Variants in ZPBP observed in about 807,000 individuals in gnomAD.
ZPBP encodes the protein zona pellucida-binding protein 1.
A neutral mutation model predicts 44.8 loss-of-function variants in ZPBP; 26 were observed. The observed-to-expected ratio is 0.58, with a 90% CI of 0.43 to 0.81. ZPBP has a LOEUF of 0.81. ZPBP is among the 30% of genes least tolerant of loss of function. The pLI is 0.00. For synonymous variants in ZPBP, 174 were observed against 153.2 expected, an observed-to-expected ratio of 1.14 and a Z score of -1.00; for missense variants, 409 against 434.0, an observed-to-expected ratio of 0.94 and a Z score of 0.51.
intron 3 of ZPBP, among the ~76,000 whole-genome samples, chr7:50,068,639 C>A (rs1225721403): frequency 6.6e-6 from 1 of 152,096 alleles, no homozygotes; most frequent in Non-Finnish European, 1.5e-5. Flanking sequence ...AGTAAATTAG[C>A]CTTTTTAAAG....
chr7:49,991,796 TAG>T (rs1797585236), intron 6 of ZPBP, among the ~76,000 whole-genome samples: 1 of 152,072 alleles, frequency 6.6e-6, no homozygotes. Flanking sequence ...TGTCTATTTT[TAG>T]CCTTGTGGTG....
intron 2 of ZPBP, among the ~76,000 whole-genome samples, chr7:49,887,330 A>G (rs73111338): frequency 2.4e-4 from 36 of 152,296 alleles, no homozygotes; most frequent in Non-Finnish European, 3.4e-4. Flanking sequence ...AAGATTTGCA[A>G]TTGATTTGTT....
intron 1 of ZPBP, among the ~76,000 whole-genome samples, chr7:49,901,870 GAACACTGTTTGCTAACACTGTTAGCT>G (rs556242675): frequency 2.0e-5 from 3 of 146,926 alleles, no homozygotes; most frequent in East Asian, 1.9e-4. Context: ...AGATAAATAT[GAACACTGTTTGCTAACACTGTTAGCT>G]AACACTGTTT....
chr7:49,848,666 C>A (rs187266376), downstream of ZPBP, among the ~76,000 whole-genome samples: 35 of 152,328 alleles, frequency 2.3e-4, no homozygotes, highest in Non-Finnish European at 4.1e-4. Flanking sequence ...CATTGACTGT[C>A]GTTTCTCACC....
chr7:50,024,761 C>T (rs1333715657), intron 5 of ZPBP, among the ~76,000 whole-genome samples: 1 of 151,676 alleles, frequency 6.6e-6, no homozygotes, highest in African/African-American at 2.4e-5. Context: ...TCTGATGTAC[C>T]ACACGAGGAC....
intron 7 of ZPBP, among the ~76,000 whole-genome samples, chr7:49,979,209 G>A (rs922535511): frequency 1.3e-5 from 2 of 151,700 alleles, no homozygotes; most frequent in South Asian, 2.1e-4. Flanking sequence ...AAGTCTCACC[G>A]AGAAAGCCGT....
At chr7:50,007,886 A>G (rs1199281241) in intron 6 of ZPBP, among the ~76,000 whole-genome samples, 2 of 152,062 alleles carry the variant, frequency 1.3e-5, no homozygotes, top group Admixed American at 6.6e-5. Context: ...AATAAAGGCC[A>G]TATAACAAAA....
At chr7:49,948,371 G>T (rs1308750972) in intron 7 of ZPBP, among the ~76,000 whole-genome samples, 2 of 152,136 alleles carry the variant, frequency 1.3e-5, no homozygotes, top group African/African-American at 4.8e-5. Context: ...AAGAAATAAA[G>T]ATTGGGTTCT....
At chr7:50,039,385 T>G (rs1304583587) in intron 4 of ZPBP, among the ~76,000 whole-genome samples, 1 of 152,046 alleles carries the variant, frequency 6.6e-6, no homozygotes, top group East Asian at 1.9e-4. Flanking sequence ...GATTCAGAAT[T>G]TAAAAATGTG....
At chr7:49,845,864 A>C (rs994406281), downstream of ZPBP, among the ~76,000 whole-genome samples, 2 of 152,180 alleles carry the variant, frequency 1.3e-5, no homozygotes, top group Admixed American at 1.3e-4. Flanking sequence ...CGAGTGAGTT[A>C]GTGTGAGTGC....
intron 5 of ZPBP, among the ~76,000 whole-genome samples, chr7:50,026,678 G>A (rs1689557433): frequency 6.6e-6 from 1 of 151,850 alleles, no homozygotes; most frequent in Admixed American, 6.6e-5. Context: ...TCAGGGCTCA[G>A]CTGGCATGTC....
chr7:49,856,568 G>T (rs1317641225), intron 2 of ZPBP, among the ~76,000 whole-genome samples: 1 of 152,126 alleles, frequency 6.6e-6, no homozygotes, highest in Non-Finnish European at 1.5e-5. Context: ...CTTTATTGAA[G>T]TATAATTGGT....
rs528538846 is a variant in ZPBP, at chr7:50,004,366, G to GCCAACT, written c.783+13873_783+13874insAGTTGG. On this transcript the variant is annotated intron_variant, in intron 6 of 7. Coordinates refer to ENST00000046087, the MANE Select transcript of ZPBP (RefSeq NM_007009.3). ...ACAGCAGTCTTCCAGGAACTCTCAG[G>GCCAACT]CCTTTGGCCTCAGACTGAGGGCTAC... Among the ~76,000 whole-genome samples the GCCAACT allele has an allele frequency of 1.5e-3, 229 of 151,338 alleles. 5 individuals are homozygous for GCCAACT. The highest frequency in any genetic ancestry group is 5.3e-3 in the African/African-American group (218 of 40,766).
chr7:49,957,421 G>C (rs924494036), intron 7 of ZPBP, among the ~76,000 whole-genome samples: 3 of 152,176 alleles, frequency 2.0e-5, no homozygotes, highest in African/African-American at 7.2e-5. Context: ...GGCCTAGTGG[G>C]CCCTCAGGAC....
intron 1 of ZPBP, chr7:49,914,614 A>G (rs1255477481): frequency 6.6e-6 from 1 of 152,162 alleles, no homozygotes; most frequent in Non-Finnish European, 1.5e-5. Context: ...TAATGGCATT[A>G]TTTGCATTTT....
At chr7:49,983,857 ATATAT>A (rs1261346924) in intron 6 of ZPBP, among the ~76,000 whole-genome samples, 1 of 152,094 alleles carries the variant, frequency 6.6e-6, no homozygotes, top group Non-Finnish European at 1.5e-5. Flanking sequence ...CTTTAAAATA[ATATAT>A]TATAAGCATC....
rs1467437232 is a variant in ZPBP, at chr7:49,859,806, A to G, written n.510-9292T>C. ...CGCGTGCGTGCACACACACACACAC[A>G]CACACACACACACACACACTCACTC... On this transcript the variant is annotated intron_variant and non_coding_transcript_variant, in intron 2 of 2. Coordinates refer to the ZPBP transcript ENST00000465922. 5.0e-3 allele frequency among the ~76,000 whole-genome samples: 738 copies of G among 148,318 alleles called. 4 individuals are homozygous for G. Among genetic ancestry groups the G allele is most frequent in the African/African-American group, 0.018 (672 of 37,798 alleles).
At chr7:49,867,619 C>A (rs1790956900) in intron 2 of ZPBP, among the ~76,000 whole-genome samples, 1 of 152,188 alleles carries the variant, frequency 6.6e-6, no homozygotes, top group South Asian at 2.1e-4. Context: ...CAGGAGACAT[C>A]TGAGGCATTC....
At chr7:50,011,253 T>C (rs966782911) in intron 6 of ZPBP, among the ~76,000 whole-genome samples, 3 of 152,140 alleles carry the variant, frequency 2.0e-5, no homozygotes, top group South Asian at 4.1e-4. Context: ...CCTGAAACGA[T>C]AAAAATTCTA....
Sources: gnomAD v4.1 joint callset for allele counts (sites outside exome capture counted in the v4.1 genomes callset) on GRCh38, gnomAD v4.1.1 for gene constraint, MANE v1.5 for transcripts, NCBI Gene and HGNC (gene_info 2026-07-23, HGNC 2026-07-21) for gene names.